Variants in PLCB4 observed in about 807,000 individuals in gnomAD.
PLCB4 encodes the protein phospholipase C beta 4.
PLCB4 carries 77 observed loss-of-function variants against 178.8 expected under a neutral mutation model. The observed-to-expected ratio is 0.43, with a 90% CI of 0.36 to 0.52. PLCB4 has a LOEUF of 0.52. Ranked by LOEUF, PLCB4 falls within the 20% of genes least tolerant of loss-of-function variation. The pLI is 0.00. For synonymous variants in PLCB4, 496 were observed against 490.8 expected (o/e 1.01, Z -0.14); for missense variants, 1,024 against 1,453.4 (o/e 0.70, Z 4.80).
At chr20:9,465,743 C>T (rs2043733260) in intron 35 of PLCB4, among the ~76,000 whole-genome samples, 1 of 152,148 alleles carries the variant, frequency 6.6e-6, no homozygotes. Flanking sequence ...TGAGGGACCT[C>T]TTCAAGGAGA....
At chr20:9,142,114 T>G (rs560917916) in intron 2 of PLCB4, among the ~76,000 whole-genome samples, 1 of 152,208 alleles carries the variant, frequency 6.6e-6, no homozygotes, top group South Asian at 2.1e-4. Flanking sequence ...TTATTTCCTT[T>G]GCAGTTGGTG....
intron 9 of PLCB4, 40 bp downstream of exon 9, chr20:9,365,554 A>C: frequency 8.0e-7 from 1 of 1,243,422 alleles, no homozygotes; most frequent in South Asian, 1.2e-5. Flanking sequence ...GTCCCGGGTC[A>C]ACGCTTGTCA....
At chr20:9,365,434 G>A in intron 8 of PLCB4, 27 bp from the exon 9 acceptor site, 5 of 1,502,496 alleles carry the variant, frequency 3.3e-6, no homozygotes, top group Non-Finnish European at 4.6e-6. Context: ...GAAACATTAA[G>A]GCAATGTTAT....
intron 3 of PLCB4, among the ~76,000 whole-genome samples, chr20:9,293,034 G>A (rs898274364): frequency 3.3e-5 from 5 of 152,158 alleles, no homozygotes; most frequent in Admixed American, 2.6e-4. Context: ...AGGCCAGATC[G>A]TGCCACTGCA....
At chr20:9,228,722 A>T (rs1197007278) in intron 3 of PLCB4, among the ~76,000 whole-genome samples, 1 of 152,190 alleles carries the variant, frequency 6.6e-6, no homozygotes, top group Admixed American at 6.5e-5. Context: ...AGCCTAGAGC[A>T]CTGAGTGAAA....
intron 2 of PLCB4, among the ~76,000 whole-genome samples, chr20:9,212,101 T>C (rs2093679272): frequency 6.6e-6 from 1 of 152,218 alleles, no homozygotes. Flanking sequence ...CCAAATGATA[T>C]ATTAGCCAAT....
At chr20:9,155,643 G>A (rs2092774391) in intron 2 of PLCB4, among the ~76,000 whole-genome samples, 1 of 152,148 alleles carries the variant, frequency 6.6e-6, no homozygotes, top group African/African-American at 2.4e-5. Context: ...GATTAAATCA[G>A]TTGTCTTTAC....
At chr20:9,385,946 AC>A (rs2037605288) in intron 14 of PLCB4, among the ~76,000 whole-genome samples, 1 of 152,044 alleles carries the variant, frequency 6.6e-6, no homozygotes, top group Non-Finnish European at 1.5e-5. Context: ...TCACGCCACT[AC>A]ACTCCAGCCT....
chr20:9,285,211 A>G, intron 3 of PLCB4, among the ~76,000 whole-genome samples: 1 of 151,898 alleles, frequency 6.6e-6, no homozygotes, highest in South Asian at 2.1e-4. Context: ...TAAAAATGTA[A>G]TTATAGTCAG....
rs565354478 is a variant in PLCB4 at position 9,228,345 on chromosome 20, C to T, written c.-16+10893C>T. 1.6e-3 allele frequency among the ~76,000 whole-genome samples: 241 copies of T among 152,212 alleles called. 1 individual carries two copies. The highest frequency in any genetic ancestry group is 9.3e-4 in the Non-Finnish European group (63 of 68,004). On this transcript the variant is annotated intron_variant, in intron 3 of 39. Coordinates refer to ENST00000378473, the MANE Select transcript of PLCB4 (RefSeq NM_001377142.1). Reference sequence around the variant, plus strand: ...AGTAAGGAAGAAGGCAGGTGATTTTCCTGGGATAAGTCACATTTGTTTCCA... The same window carrying T: ...AGTAAGGAAGAAGGCAGGTGATTTTTCTGGGATAAGTCACATTTGTTTCCA...
chr20:9,092,890 A>G (rs1365643969), intron 1 of PLCB4, among the ~76,000 whole-genome samples: 1 of 152,162 alleles, frequency 6.6e-6, no homozygotes, highest in Non-Finnish European at 1.5e-5. Context: ...AAACTGTGTC[A>G]TGTGGCTATC....
chr20:9,458,101 A>G (rs9753546), intron 34 of PLCB4, among the ~76,000 whole-genome samples: 6 of 152,072 alleles, frequency 3.9e-5, no homozygotes, highest in Non-Finnish European at 8.8e-5. Flanking sequence ...GGAAAAAAAA[A>G]GAAAAAAAAA....
At chr20:9,305,304 T>C (rs996933415) in intron 3 of PLCB4, among the ~76,000 whole-genome samples, 1 of 152,090 alleles carries the variant, frequency 6.6e-6, no homozygotes, top group Non-Finnish European at 1.5e-5. Context: ...TTGGGAGTTA[T>C]GTTTTTTTAA....
At chr20:9,443,455 C>T (rs773030758) in intron 30 of PLCB4, among the ~76,000 whole-genome samples, 9 of 152,226 alleles carry the variant, frequency 5.9e-5, no homozygotes, top group Non-Finnish European at 1.0e-4. Flanking sequence ...GGCATTTCAG[C>T]TGCCCTTCTC....
At chr20:9,240,923 G>C (rs1311629014) in intron 3 of PLCB4, among the ~76,000 whole-genome samples, 1 of 152,092 alleles carries the variant, frequency 6.6e-6, no homozygotes, top group Admixed American at 6.6e-5. Context: ...CCAGAACTTT[G>C]TTACTGCATT....
intron 7 of PLCB4, among the ~76,000 whole-genome samples, chr20:9,343,852 CTG>C (rs1362419651): frequency 1.3e-5 from 2 of 152,210 alleles, no homozygotes; most frequent in Non-Finnish European, 2.9e-5. Context: ...CTATGTTAGT[CTG>C]TTCACAAATA....
chr20:9,467,236 A>C (rs1193261988), intron 35 of PLCB4, among the ~76,000 whole-genome samples: 2 of 152,200 alleles, frequency 1.3e-5, no homozygotes, highest in Non-Finnish European at 2.9e-5. Context: ...CAGTGAGAAC[A>C]CTTGGACACA....
At chr20:9,170,848 G>A (rs974144576) in intron 2 of PLCB4, among the ~76,000 whole-genome samples, 2 of 152,158 alleles carry the variant, frequency 1.3e-5, no homozygotes, top group African/African-American at 4.8e-5. Context: ...TGGCCTGGAG[G>A]CAGAAAGTTA....
At chr20:9,421,939 C>A (rs940226933) in intron 27 of PLCB4, among the ~76,000 whole-genome samples, 10 of 152,188 alleles carry the variant, frequency 6.6e-5, no homozygotes, top group African/African-American at 2.2e-4. Context: ...CCTTCTTGTA[C>A]TGTTGTTAGT....
Sources: gnomAD v4.1 joint callset for allele counts (sites outside exome capture counted in the v4.1 genomes callset) on GRCh38, gnomAD v4.1.1 for gene constraint, MANE v1.5 for transcripts, NCBI Gene and HGNC (gene_info 2026-07-23, HGNC 2026-07-21) for gene names.